The following SPTA1 variants were observed in gnomAD, a reference collection of about 807,000 sequenced individuals.
The protein encoded by SPTA1 is spectrin alpha chain, erythrocytic 1.
In SPTA1, 177 loss-of-function variants were observed where a neutral mutation model predicts 324.7. That is an observed-to-expected ratio of 0.55 (90% CI 0.48 to 0.62). SPTA1 has a LOEUF of 0.62. SPTA1 is among the 20% of genes least tolerant of loss of function. The pLI is 0.00. For missense variants in SPTA1, 3,162 were observed against 2,883.6 expected (o/e 1.10, Z -2.21); for synonymous variants, 1,195 against 1,041.3 (o/e 1.15, Z -2.84).
chr1:158,667,934 G>A lies in SPTA1; in HGVS notation c.1962C>T (p.Ala654=). The A allele has an allele frequency of 6.2e-7, 1 of 1,614,032 alleles. No individual in the cohort carries two copies. The highest frequency in any genetic ancestry group is 8.5e-7 in the Non-Finnish European group (1 of 1,179,990). ...TCAGACGAGTGGTCACATTGTCAGA[G>A]GCATAGTGACCACCCTCAATCATCT... ...GQEMIEGGHY[A]SDNVTTRLSE... is the part of the protein sequence containing the mutation. The change falls in exon 15 of 52, where the codon GCC becomes GCT. Residue 654 remains alanine (A), a synonymous_variant. Transcript: ENST00000643759.
chr1:158,614,253 T>A lies in SPTA1; in HGVS notation c.6842A>T (p.Lys2281Ile). 1 of 1,585,258 alleles carries A rather than the reference T, an allele frequency of 6.3e-7. No homozygotes were observed. The highest frequency in any genetic ancestry group is 8.7e-7 in the Non-Finnish European group (1 of 1,154,138). ...CAGTTAACTATGAAATTATACTCAC[T>A]TATAGATTGTGCTAAATTCCTTTAG... ...ETLKEFSTIYKHFDENLTGRL... is the reference protein window; with the variant it reads ...ETLKEFSTIYIHFDENLTGRL... Residue 2281 changes from lysine (K) to isoleucine (I), a missense_variant and splice_region_variant, in exon 49 of 52, where the codon AAA becomes ATA. Lys to Ile is a moderately radical substitution (Grantham distance 102). Coordinates refer to ENST00000643759, the MANE Select transcript of SPTA1 (RefSeq NM_003126.4).
rs746382885 is a variant in SPTA1 at position 158,642,839 on chromosome 1, G to C, written c.4580C>G (p.Ser1527Cys). 24 of 1,613,706 alleles carry C rather than the reference G, an allele frequency of 1.5e-5. No individual in the cohort carries two copies. The highest frequency in any genetic ancestry group is 1.6e-4 in the Middle Eastern group (1 of 6,080). Reference sequence around the variant, plus strand: ...CTGAATGTTAGTGGCGTCTTTGTAGGATTCATCACAGGCTGTGGGCAGCAT... The same window carrying C: ...CTGAATGTTAGTGGCGTCTTTGTAGCATTCATCACAGGCTGTGGGCAGCAT... ...SEMLPTACDE[S>C]YKDATNIQRK... The change falls in exon 32 of 52, where the codon TCC becomes TGC. Residue 1527 changes from serine to cysteine, a missense_variant. Physicochemically the swap from Ser to Cys is moderately radical, Grantham distance 112. Transcript: ENST00000643759.
In SPTA1 at chr1:158,652,633, C is replaced by T. The variant is rs751284351; in HGVS notation, c.3209G>A (p.Arg1070Gln). The T allele has an allele frequency of 9.3e-6, 15 of 1,613,840 alleles. No homozygotes were observed. Among genetic ancestry groups the T allele is most frequent in the South Asian group, 5.5e-5 (5 of 91,072 alleles). Residue 1070 changes from arginine to glutamine, a missense_variant, in exon 23 of 52, where the codon CGG (arginine) becomes CAG (glutamine). Coordinates refer to ENST00000643759, the MANE Select transcript of SPTA1 (RefSeq NM_003126.4). ...IENQYRSLLDRAEERRRRLLQ... is the reference protein window; with the variant it reads ...IENQYRSLLDQAEERRRRLLQ... ...TAGACGACGTCTGCGTTCTTCTGCC[C>T]GATCCAAGAGGGAGCGGTATCTGGA...
chr1:158,669,588 C>T (rs201525862), intron 13 of SPTA1, 25 bp from the exon 14 acceptor site: 218 of 1,614,112 alleles, frequency 1.4e-4, no homozygotes, highest in Non-Finnish European at 1.6e-4. Flanking sequence ...AGTAAACTTA[C>T]TGTCAGCACA....
At position 158,676,170 on chromosome 1, in the gene SPTA1, G is replaced by T. The variant is rs754258956; in HGVS notation, c.1083C>A (p.Ser361Arg). The T allele has an allele frequency of 1.2e-6, 2 of 1,613,672 alleles. No individual in the cohort carries two copies. The highest frequency in any genetic ancestry group is 1.1e-5 in the South Asian group (1 of 91,070). ...SWEHIRALAT[S>R]RYEKLQATYW... ...AAGTAGCCTGCAGTTTTTCATATCT[G>T]CTGGTGGCCAGGGCACGAATATGCT... Residue 361 changes from serine (S) to arginine (R), a missense_variant, in exon 8 of 52, where the codon AGC becomes AGA. Ser to Arg is a moderately radical substitution (Grantham distance 110). Transcript: ENST00000643759.
intron 35 of SPTA1, 182 bp downstream of exon 35, chr1:158,639,400 T>G (rs530799727): frequency 9.3e-6 from 6 of 648,540 alleles, no homozygotes; most frequent in East Asian, 8.2e-5. Context: ...TAATTGATTA[T>G]CAGTGACAGT....
chr1:158,658,607 C>T (rs1316779747), intron 18 of SPTA1, among the ~76,000 whole-genome samples: 2 of 152,070 alleles, frequency 1.3e-5, no homozygotes, highest in Non-Finnish European at 2.9e-5. Context: ...ATAAACCCTG[C>T]CCCAGGAGTA....
At chr1:158,682,514 T>C (rs1052455799) in intron 3 of SPTA1, among the ~76,000 whole-genome samples, 1 of 152,234 alleles carries the variant, frequency 6.6e-6, no homozygotes, top group Non-Finnish European at 1.5e-5. Context: ...TTATGGGTTC[T>C]TCTTTAAAAT....
chr1:158,616,666 G>A (rs886210933), intron 47 of SPTA1, among the ~76,000 whole-genome samples: 7 of 152,150 alleles, frequency 4.6e-5, no homozygotes, highest in Admixed American at 1.3e-4. Context: ...CAGTTAGGTT[G>A]ATTCCATATT....
intron 16 of SPTA1, among the ~76,000 whole-genome samples, chr1:158,664,846 T>C (rs1374742425): frequency 6.6e-6 from 1 of 152,200 alleles, no homozygotes; most frequent in Admixed American, 6.5e-5. Flanking sequence ...TCTAACGTAG[T>C]GCAGGATGCA....
Position 158,657,594 on chromosome 1 carries a change from T to G in SPTA1, c.2688A>C (p.Glu896Asp), listed in dbSNP as rs1652920185. 6.2e-7 allele frequency: 1 copy of G among 1,614,028 alleles called. No homozygotes were observed. The highest frequency in any genetic ancestry group is 1.3e-5 in the African/African-American group (1 of 74,908). The change falls in exon 19 of 52, where the codon GAA becomes GAC. Residue 896 changes from glutamate to aspartate, a missense_variant. Coordinates refer to ENST00000643759, the MANE Select transcript of SPTA1 (RefSeq NM_003126.4). ...ARAARRQNDL[E>D]ANVQFQQYLA... Reference sequence around the variant, plus strand: ...GGTACTGCTGGAACTGGACATTGGCTTCAAGATCATTTTGTCGCCTAGCAG... The same window carrying G: ...GGTACTGCTGGAACTGGACATTGGCGTCAAGATCATTTTGTCGCCTAGCAG...
At chr1:158,681,854 T>G (rs369277709) in intron 3 of SPTA1, among the ~76,000 whole-genome samples, 187 bp from the exon 4 acceptor site, 1 of 152,134 alleles carries the variant, frequency 6.6e-6, no homozygotes, top group African/African-American at 2.4e-5. Flanking sequence ...CCAAGCCAAA[T>G]GCGATCTTAC....
In SPTA1 at chr1:158,645,350, G is replaced by A. The variant is rs1377074725; in HGVS notation, c.4032C>T (p.Thr1344=). 1.2e-5 allele frequency: 20 copies of A among 1,613,870 alleles called. No individual in the cohort carries two copies. Among genetic ancestry groups the A allele is most frequent in the Non-Finnish European group, 1.6e-5 (19 of 1,179,942 alleles). ...CACTGAAGTCCTCTAAGGCCTGGAAGGTGGGAGCCTCTGCCTCCATGTCAG... is the reference window on the plus strand; with the variant it reads ...CACTGAAGTCCTCTAAGGCCTGGAAAGTGGGAGCCTCTGCCTCCATGTCAG... ...HRADMEAEAP[T]FQALEDFSAE... is the part of the protein sequence containing the mutation. The change falls in exon 29 of 52, where the codon ACC becomes ACT. Residue 1344 remains threonine (T), a synonymous_variant. Transcript: ENST00000643759.
chr1:158,672,687 T>C (rs1435615686), intron 10 of SPTA1, among the ~76,000 whole-genome samples: 1 of 152,072 alleles, frequency 6.6e-6, no homozygotes, highest in East Asian at 1.9e-4. Context: ...ATAAAAACCA[T>C]CAGGGAAAGA....
intron 15 of SPTA1, 27 bp downstream of exon 15, chr1:158,667,831 C>G: frequency 2.5e-6 from 4 of 1,611,076 alleles, no homozygotes; most frequent in Non-Finnish European, 3.4e-6. Flanking sequence ...TAGAAAATGA[C>G]CTTTCACCAA....
rs1374886875 is a variant in SPTA1, at chr1:158,627,693, T to A, written c.5596A>T (p.Asn1866Tyr). 6.2e-7 allele frequency: 1 copy of A among 1,612,974 alleles called. No homozygotes were observed. Among genetic ancestry groups the A allele is most frequent in the Non-Finnish European group, 8.5e-7 (1 of 1,179,714 alleles). ...CGGGTCTCATGGACAGCAAAGTCAT[T>A]TTCCAAAGCTTCATGCTTCATTAGC... is the stretch of plus-strand genomic sequence containing the variant. Reference protein sequence around the residue: ...SLLMKHEALENDFAVHETRVQ... With the variant: ...SLLMKHEALEYDFAVHETRVQ... The change falls in exon 40 of 52, where the codon AAT becomes TAT. Residue 1866 changes from asparagine (N) to tyrosine (Y), a missense_variant. Transcript: ENST00000643759.
chr1:158,674,138 G>C (rs945194419), intron 10 of SPTA1, among the ~76,000 whole-genome samples, 191 bp downstream of exon 10: 6 of 152,072 alleles, frequency 3.9e-5, no homozygotes, highest in African/African-American at 1.4e-4. Context: ...GGAGGTCCTG[G>C]AACCAATGCC....
Position 158,615,250 on chromosome 1 carries a change from T to A in SPTA1, c.6754A>T (p.Met2252Leu), listed in dbSNP as rs773008820. The A allele has an allele frequency of 3.1e-6, 5 of 1,613,678 alleles. No individual in the cohort carries two copies. Among genetic ancestry groups the A allele is most frequent in the Admixed American group, 1.7e-5 (1 of 60,022 alleles). The part of the protein sequence containing the change: ...WDQLYQLGLR[M>L]QHNLEQQIQA... The stretch of plus-strand genomic sequence containing the variant: ...ATCTGTTGCTCCAGGTTGTGTTGCA[T>A]CCGCAACCCAAGCTGGTAGAGCTGG... Residue 2252 changes from methionine to leucine, a missense_variant, in exon 48 of 52, where the codon ATG becomes TTG. Physicochemically the swap from Met to Leu is conservative, Grantham distance 15. Coordinates refer to ENST00000643759, the MANE Select transcript of SPTA1 (RefSeq NM_003126.4).
intron 3 of SPTA1, 94 bp downstream of exon 3, chr1:158,683,277 G>T: frequency 6.4e-7 from 1 of 1,574,746 alleles, no homozygotes; most frequent in Non-Finnish European, 8.7e-7. Flanking sequence ...CTGGGTATAA[G>T]CCAGCCACTC....
Sources: allele counts gnomAD v4.1 joint callset (sites outside exome capture counted in the v4.1 genomes callset), GRCh38; gene constraint gnomAD v4.1.1; transcripts MANE v1.5; gene names NCBI Gene and HGNC (gene_info 2026-07-23, HGNC 2026-07-21).